The following GPR89B variants were observed in gnomAD, a reference collection of about 807,000 sequenced individuals.
The protein encoded by GPR89B is golgi pH regulator B.
Under a neutral mutation model 52.4 loss-of-function variants are expected in GPR89B, and 25 were observed. The observed-to-expected ratio is 0.48, with a 90% CI of 0.35 to 0.67. The LOEUF is 0.67. Among genes scored for constraint, GPR89B ranks in the 30% least tolerant of loss-of-function variants. The pLI is 0.01. For synonymous variants in GPR89B, 52 were observed against 151.2 expected (o/e 0.34, Z 4.81); for missense variants, 146 against 450.2 (o/e 0.32, Z 6.11).
At chr1:147,990,549 C>G (rs1204525107) in intron 12 of GPR89B, among the ~76,000 whole-genome samples, 49 of 152,246 alleles carry the variant, frequency 3.2e-4, no homozygotes, top group African/African-American at 1.1e-3. Context: ...ATGTTATTGC[C>G]TAGGTTTTCT....
At chr1:147,943,644 T>C (rs587760590) in intron 4 of GPR89B, 100 bp downstream of exon 4, 1 of 774,352 alleles carries the variant, frequency 1.3e-6, no homozygotes, top group Admixed American at 3.1e-5. Context: ...TTTCAGTATC[T>C]ACCGCTATTT....
At chr1:147,971,157 C>CTTTT (rs1197016559) in intron 10 of GPR89B, among the ~76,000 whole-genome samples, 2 of 144,444 alleles carry the variant, frequency 1.4e-5, no homozygotes, top group African/African-American at 5.1e-5. Context: ...GGAAGCATGT[C>CTTTT]TTTTTTTTTT....
intron 10 of GPR89B, among the ~76,000 whole-genome samples, chr1:147,971,212 C>T (rs1173969554): frequency 2.0e-5 from 3 of 150,590 alleles, no homozygotes; most frequent in East Asian, 3.9e-4. Context: ...TGCAGTGGTG[C>T]GATCTCAGCT....
intron 5 of GPR89B, among the ~76,000 whole-genome samples, chr1:147,948,251 A>T (rs1331562113): frequency 1.3e-5 from 2 of 152,172 alleles, no homozygotes; most frequent in Non-Finnish European, 2.9e-5. Context: ...GGCACAAGAG[A>T]CATCATGTAA....
the GPR89B span, among the ~76,000 whole-genome samples, chr1:148,017,654 C>T: frequency 4.7e-5 from 7 of 149,886 alleles, no homozygotes; most frequent in Non-Finnish European, 7.4e-5. Flanking sequence ...AGGAGAATGG[C>T]GTGAACCTGG....
intron 3 of GPR89B, 146 bp downstream of exon 3, chr1:147,938,963 T>C (rs1654330157): frequency 4.7e-6 from 3 of 632,814 alleles, no homozygotes; most frequent in Admixed American, 3.0e-5. Flanking sequence ...ACAACAGATA[T>C]GGGTCACAGC....
chr1:148,014,003 T>A, the GPR89B span, among the ~76,000 whole-genome samples: 5 of 151,250 alleles, frequency 3.3e-5, no homozygotes, highest in African/African-American at 1.2e-4. Flanking sequence ...CCTCCCTCCA[T>A]CTTGTCTCCA....
downstream of GPR89B, chr1:147,993,928 C>G (rs1659248815): frequency 5.0e-6 from 1 of 200,384 alleles, no homozygotes; most frequent in Non-Finnish European, 1.0e-5. Context: ...GGCTTATCTG[C>G]TAAGATGCTT....
At chr1:147,973,098 G>T (rs1657590689) in intron 10 of GPR89B, among the ~76,000 whole-genome samples, 1 of 151,780 alleles carries the variant, frequency 6.6e-6, no homozygotes, top group African/African-American at 2.4e-5. Context: ...CTTTGCTATT[G>T]TGAATAGTGC....
chr1:147,987,642 A>G (rs1658764768), intron 11 of GPR89B, among the ~76,000 whole-genome samples: 1 of 151,472 alleles, frequency 6.6e-6, no homozygotes, highest in South Asian at 2.1e-4. Context: ...TTACATGGCC[A>G]TGTATATATT....
At chr1:147,943,779 A>G (rs1186896281) in intron 4 of GPR89B, among the ~76,000 whole-genome samples, 2 of 152,130 alleles carry the variant, frequency 1.3e-5, no homozygotes, top group Non-Finnish European at 1.5e-5. Context: ...TTTTCTACCT[A>G]TTAATAATGT....
intron 5 of GPR89B, among the ~76,000 whole-genome samples, chr1:147,952,816 A>G (rs1370172142): frequency 6.6e-6 from 1 of 150,764 alleles, no homozygotes; most frequent in Non-Finnish European, 1.5e-5. Context: ...TTTGCCTTTG[A>G]ATTACTCATT....
chr1:147,936,562 G>A (rs1571222578), intron 1 of GPR89B, 65 bp from the exon 2 acceptor site: 2 of 1,136,606 alleles, frequency 1.8e-6, no homozygotes, highest in African/African-American at 1.5e-5. Flanking sequence ...TATCATAAAA[G>A]AGTTTCTATA....
chr1:148,018,640 A>C, the GPR89B span, among the ~76,000 whole-genome samples: 513 of 151,634 alleles, frequency 3.4e-3, 8 homozygotes, highest in African/African-American at 0.011. Flanking sequence ...AAAAGGGTTA[A>C]ATATTCAAAG....
At chr1:147,944,155 G>T (rs1379748637) in intron 5 of GPR89B, 57 bp downstream of exon 5, 1 of 1,580,406 alleles carries the variant, frequency 6.3e-7, no homozygotes, top group East Asian at 2.3e-5. Flanking sequence ...TTAATTTTCT[G>T]ATTTCAAAAA....
intron 10 of GPR89B, among the ~76,000 whole-genome samples, chr1:147,972,286 A>G (rs1263788887): frequency 2.0e-5 from 3 of 151,548 alleles, no homozygotes; most frequent in South Asian, 4.2e-4. Context: ...TGCTGTGAAC[A>G]CTTGTGTACA....
chr1:147,937,556 C>T (rs1299464023), intron 2 of GPR89B, among the ~76,000 whole-genome samples: 1 of 152,116 alleles, frequency 6.6e-6, no homozygotes, highest in Non-Finnish European at 1.5e-5. Flanking sequence ...ACTCCCAGAG[C>T]GGCCATTCAT....
the GPR89B span, among the ~76,000 whole-genome samples, chr1:148,001,951 A>G: frequency 1.3e-5 from 2 of 151,972 alleles, no homozygotes; most frequent in African/African-American, 4.8e-5. Context: ...GCATTTTAGT[A>G]GCAATTGGGT....
the GPR89B span, among the ~76,000 whole-genome samples, chr1:148,018,299 G>C: frequency 2.1e-5 from 3 of 145,022 alleles, no homozygotes; most frequent in East Asian, 5.9e-4. Flanking sequence ...GGTGCCTTTA[G>C]TCCCAGCTAC....
Sources: allele counts gnomAD v4.1 joint callset (sites outside exome capture counted in the v4.1 genomes callset), GRCh38; gene constraint gnomAD v4.1.1; transcripts MANE v1.5; gene names NCBI Gene and HGNC (gene_info 2026-07-23, HGNC 2026-07-21).